Variants in CLTC observed in about 807,000 individuals in gnomAD.
The protein encoded by CLTC is clathrin heavy chain 1.
CLTC carries 16 observed loss-of-function variants against 195.8 expected under a neutral mutation model. The observed-to-expected ratio is 0.08, with a 90% confidence interval of 0.06 to 0.12. The LOEUF (loss-of-function observed/expected upper bound fraction) is 0.12, where lower values mean the gene tolerates loss of function less well. CLTC is among the 10% of genes least tolerant of loss of function. CLTC has a pLI of 1.00. For synonymous variants in CLTC, 667 were observed against 689.4 expected (o/e 0.97, Z 0.51); for missense variants, 796 against 2,027.0 (o/e 0.39, Z 11.66).
chr17:59,676,999 C>T lies in CLTC; in HGVS notation c.2607C>T (p.Gly869=). 6.2e-7 allele frequency: 1 copy of T among 1,614,076 alleles called. No individual in the cohort carries two copies. Among genetic ancestry groups the T allele is most frequent in the Non-Finnish European group, 8.5e-7 (1 of 1,180,004 alleles). Residue 869 remains glycine (G), a synonymous_variant, in exon 17 of 32, where the codon GGC becomes GGT. Transcript: ENST00000269122. ...GGCTAGAGGCCAGAATTCATGAGGG[C>T]TGTGAGGAGCCTGCTACTCACAATG... The part of the protein sequence containing the change: ...LPWLEARIHE[G]CEEPATHNAL...
chr17:59,648,449 T>C lies in CLTC; in HGVS notation c.681+48T>C, dbSNP rs1368057431. 1 of 1,531,308 alleles carries C rather than the reference T, an allele frequency of 6.5e-7. No individual in the cohort carries two copies. The highest frequency in any genetic ancestry group is 2.3e-5 in the East Asian group (1 of 44,138). The allele number at this position is 1,531,308 out of a possible 1,614,324, so 94.9% of individuals were successfully genotyped here. A position where few individuals can be genotyped will look rare whatever the true frequency, so the allele number is the denominator to read the frequency against. ...ATTTTAATGAGAACTTGTATTTGGC[T>C]TTCTGCTATGAATTAGTCATCTAAT... On this transcript the variant is annotated intron_variant, in intron 4 of 31. Coordinates refer to ENST00000269122, the MANE Select transcript of CLTC (RefSeq NM_004859.4). The surrounding 1 kb of genome is among the most constrained non-coding windows in gnomAD (Gnocchi z 4.5).
Position 59,682,674 on chromosome 17 carries a change from T to C in CLTC, c.3646T>C (p.Leu1216=), listed in dbSNP as rs1031195578. The change falls in exon 23 of 32, where the codon TTG becomes CTG. Residue 1216 remains leucine, a synonymous_variant. Transcript: ENST00000269122. The surrounding 1 kb of genome is among the most constrained non-coding windows in gnomAD (Gnocchi z 6.8). ...YDEKMYDAAK[L]LYNNVSNFGR... is the part of the protein sequence containing the mutation. ...TGAAAAAATGTATGATGCTGCTAAG[T>C]TGTTGTACAATAATGTTTCCAATTT... is the stretch of plus-strand genomic sequence containing the variant. 5.0e-6 allele frequency: 8 copies of C among 1,614,024 alleles called. No homozygotes were observed. Among genetic ancestry groups the C allele is most frequent in the Non-Finnish European group, 6.8e-6 (8 of 1,180,010 alleles).
chr17:59,633,028 TTGTCATTTTAATCATTTTAA>T (rs139482417), intron 1 of CLTC, among the ~76,000 whole-genome samples: 89,614 of 151,666 alleles, frequency 0.59, 29,169 homozygotes, highest in Non-Finnish European at 0.74. Context: ...ATCATGGTGG[TTGTCATTTTAATCATTTTAA>T]TGTCATTTTA....
At chr17:59,650,502 TTTTG>T (rs2032302150) in intron 4 of CLTC, among the ~76,000 whole-genome samples, 1 of 150,114 alleles carries the variant, frequency 6.7e-6, no homozygotes, top group Admixed American at 6.6e-5. Context: ...TTTTTTTTTT[TTTTG>T]AGATGGAGTC....
intron 1 of CLTC, among the ~76,000 whole-genome samples, chr17:59,626,059 T>C (rs1256894227): frequency 2.6e-5 from 4 of 152,206 alleles, no homozygotes; most frequent in Non-Finnish European, 5.9e-5. Context: ...ATCCAGTGTT[T>C]TATGGTGTAT....
chr17:59,638,682 C>T (rs891455372), intron 1 of CLTC, among the ~76,000 whole-genome samples: 2 of 152,164 alleles, frequency 1.3e-5, no homozygotes, highest in Non-Finnish European at 2.9e-5. Context: ...CAATAGGGTT[C>T]GCGTGCCTAT....
chr17:59,653,970 G>T (rs529600361), intron 5 of CLTC, among the ~76,000 whole-genome samples: 10 of 151,012 alleles, frequency 6.6e-5, no homozygotes, highest in Non-Finnish European at 8.9e-5. Context: ...TTGGGGTTTC[G>T]CCATGTTGGT....
chr17:59,680,678 C>T (rs188675406), intron 18 of CLTC, among the ~76,000 whole-genome samples: 35 of 152,142 alleles, frequency 2.3e-4, no homozygotes, highest in African/African-American at 8.0e-4. Flanking sequence ...GATTGCTAGC[C>T]TGGATAATGT....
intron 1 of CLTC, among the ~76,000 whole-genome samples, chr17:59,632,367 C>CA (rs11449653): frequency 0.74 from 82,300 of 111,288 alleles, 30,000 homozygotes; most frequent in East Asian, 0.92. Context: ...GAATCCATCT[C>CA]AAAAAAAAAA....
At chr17:59,621,498 G>A (rs748404526) in intron 1 of CLTC, among the ~76,000 whole-genome samples, 2 of 152,118 alleles carry the variant, frequency 1.3e-5, no homozygotes, top group East Asian at 1.9e-4. Context: ...GTTAATAAAA[G>A]GTTTTAACAT....
At chr17:59,670,087 CTA>C (rs1175855954) in intron 14 of CLTC, among the ~76,000 whole-genome samples, 1 of 152,076 alleles carries the variant, frequency 6.6e-6, no homozygotes. Flanking sequence ...CCTAGCTGTG[CTA>C]TGTTTGGACC....
intron 1 of CLTC, among the ~76,000 whole-genome samples, chr17:59,624,419 A>AT (rs1404389989): frequency 6.6e-6 from 1 of 150,974 alleles, no homozygotes; most frequent in Non-Finnish European, 1.5e-5. Context: ...GTTGAAACAA[A>AT]TGCTGTCCAA....
Position 59,682,577 on chromosome 17 carries a change from A to G in CLTC, c.3601-52A>G, listed in dbSNP as rs2033102540. Reference sequence around the variant, plus strand: ...GTGAAGATATCAATTTGAAAAGAGGATTAAGCTCACACTAATATCTTGCTG... The same window carrying G: ...GTGAAGATATCAATTTGAAAAGAGGGTTAAGCTCACACTAATATCTTGCTG... On this transcript the variant is annotated intron_variant, in intron 22 of 31. Transcript: ENST00000269122. This position sits in a 1 kb window ranked among gnomAD's most constrained non-coding sequence, Gnocchi z 6.8. The G allele has an allele frequency of 2.5e-6, 4 of 1,598,578 alleles. No homozygotes were observed. Among genetic ancestry groups the G allele is most frequent in the Non-Finnish European group, 3.4e-6 (4 of 1,170,084 alleles).
chr17:59,649,148 G>A (rs2032267601), intron 4 of CLTC, among the ~76,000 whole-genome samples: 1 of 152,096 alleles, frequency 6.6e-6, no homozygotes, highest in African/African-American at 2.4e-5. Flanking sequence ...TTAGAGCAAT[G>A]GTCTGTTTAG....
In CLTC at chr17:59,666,117, T is replaced by C; in HGVS notation, c.1659T>C (p.Phe553=). 6.2e-7 allele frequency: 1 copy of C among 1,607,816 alleles called. No homozygotes were observed. Among genetic ancestry groups the C allele is most frequent in the Non-Finnish European group, 8.5e-7 (1 of 1,174,762 alleles). ...TTTTTTTGTAGATTGTAGATGTCTT[T>C]ATGGAATACAATCTAATTCAGCAGT... The part of the protein sequence containing the change: ...LADITQIVDV[F]MEYNLIQQCT... Residue 553 remains phenylalanine, a synonymous_variant, in exon 11 of 32, where the codon TTT becomes TTC. Transcript: ENST00000269122. This position sits in a 1 kb window ranked among gnomAD's most constrained non-coding sequence, Gnocchi z 4.9.
At chr17:59,665,614 A>C (rs928182121) in intron 10 of CLTC, among the ~76,000 whole-genome samples, 1 of 152,114 alleles carries the variant, frequency 6.6e-6, no homozygotes, top group African/African-American at 2.4e-5. Flanking sequence ...TGAGGTGGGC[A>C]GATCACCTGA....
intron 15 of CLTC, 66 bp from the exon 16 acceptor site, chr17:59,674,635 C>CT: frequency 7.1e-7 from 1 of 1,417,796 alleles, no homozygotes; most frequent in Non-Finnish European, 9.5e-7. Flanking sequence ...GAGATAAATG[C>CT]TTTTTTAAAA....
chr17:59,638,127 C>G (rs1337034416), intron 1 of CLTC, among the ~76,000 whole-genome samples: 1 of 151,984 alleles, frequency 6.6e-6, no homozygotes, highest in African/African-American at 2.4e-5. Context: ...TAATAAAATG[C>G]AAATGCAAAA....
intron 13 of CLTC, among the ~76,000 whole-genome samples, chr17:59,667,302 G>C (rs183414852): frequency 6.6e-6 from 1 of 152,270 alleles, no homozygotes; most frequent in Non-Finnish European, 1.5e-5. Flanking sequence ...ATGCACCAAA[G>C]TCCAAAACTT....
Sources: gnomAD v4.1 joint callset for allele counts (sites outside exome capture counted in the v4.1 genomes callset) on GRCh38, gnomAD v4.1.1 for gene constraint, Gnocchi (gnomAD v3.1) non-coding constraint, MANE v1.5 for transcripts, NCBI Gene and HGNC (gene_info 2026-07-23, HGNC 2026-07-21) for gene names.